SUN2: variants seen among roughly 807,000 people sequenced by gnomAD.
The protein encoded by SUN2 is SUN domain-containing protein 2.
SUN2 carries 60 observed loss-of-function variants against 100.0 expected under a neutral mutation model. The observed-to-expected ratio is 0.60, with a 90% CI of 0.49 to 0.74. The LOEUF (loss-of-function observed/expected upper bound fraction) is 0.74. Among genes scored for constraint, SUN2 ranks in the 30% least tolerant of loss-of-function variants. The pLI, the probability that SUN2 is intolerant of heterozygous loss-of-function variation, is 0.00. For synonymous variants in SUN2, 367 were observed against 403.3 expected (o/e 0.91, Z 1.08); for missense variants, 834 against 954.6 (o/e 0.87, Z 1.66).
rs527982754 is a variant in SUN2 at position 38,735,152 on chromosome 22, C to T, written c.*1115G>A. ...GGGGCCTGCTGGCTCTAAAAGTCCC[C>T]TCCTCCCCCTTCCCTATCCAGGGTA... On this transcript the variant is annotated 3_prime_UTR_variant, in exon 18 of 18. Transcript: ENST00000689035. 8 of 431,860 alleles carry T rather than the reference C, an allele frequency of 1.9e-5. No individual in the cohort carries two copies. The East Asian group carries it at 3.5e-4, about 19-fold the overall frequency. 26.8% of individuals were successfully genotyped at this position (431,860 alleles called of 1,614,324 possible).
At chr22:38,736,505 T>A in intron 17 of SUN2, 125 bp from the exon 18 acceptor site, 1 of 710,130 alleles carries the variant, frequency 1.4e-6, no homozygotes, top group Non-Finnish European at 2.2e-6. Flanking sequence ...CCTGGGGCTC[T>A]GAAGAGAACC....
At position 38,753,852 on chromosome 22, in the gene SUN2, C is replaced by T. The variant is rs140538848; in HGVS notation, c.-37-1187G>A. 5.9e-5 allele frequency among the ~76,000 whole-genome samples: 9 copies of T among 152,330 alleles called. No individual in the cohort carries two copies. The East Asian group carries it at 1.7e-3, about 29-fold the overall frequency. On this transcript the variant is annotated intron_variant, in intron 1 of 17. Transcript: ENST00000689035. Reference sequence around the variant, plus strand: ...GCTCAGCTCTGACAGGCTGTAGGGCCTGGGTCTTTCTACTCAGGCATAAAG... The same window carrying T: ...GCTCAGCTCTGACAGGCTGTAGGGCTTGGGTCTTTCTACTCAGGCATAAAG...
At chr22:38,749,562 A>G (rs887361386) in intron 6 of SUN2, among the ~76,000 whole-genome samples, 1 of 152,174 alleles carries the variant, frequency 6.6e-6, no homozygotes, top group Non-Finnish European at 1.5e-5. Context: ...AGGGCTATCA[A>G]TTCGGGGAGA....
At chr22:38,750,109 C>T (rs2092933005) in intron 5 of SUN2, 116 bp downstream of exon 5, 2 of 1,464,338 alleles carry the variant, frequency 1.4e-6, no homozygotes, top group Admixed American at 2.2e-5. Flanking sequence ...CTAGAATGAC[C>T]TTTCCCCAAT....
chr22:38,740,851 G>C lies in SUN2; in HGVS notation c.1190+156C>G. ...ATGGCACCTCAAAGACAGGCCCTGGGCAGGGGTCCTGAGCTGGGTTTCAAC... is the reference window on the plus strand; with the variant it reads ...ATGGCACCTCAAAGACAGGCCCTGGCCAGGGGTCCTGAGCTGGGTTTCAAC... On this transcript the variant is annotated intron_variant, in intron 11 of 17. Transcript: ENST00000689035. This position sits in a 1 kb window ranked among gnomAD's most constrained non-coding sequence, Gnocchi z 4.8. 1.3e-6 allele frequency: 1 copy of C among 789,616 alleles called. No individual in the cohort carries two copies. The highest frequency in any genetic ancestry group is 2.1e-6 in the Non-Finnish European group (1 of 484,906). The allele number at this position is 789,616 out of a possible 1,614,324, so 48.9% of individuals were successfully genotyped here.
At position 38,754,401 on chromosome 22, in the gene SUN2, G is replaced by A. The variant is rs548795035; in HGVS notation, c.-38+1362C>T. On this transcript the variant is annotated intron_variant, in intron 1 of 17. Transcript: ENST00000689035. Reference sequence around the variant, plus strand: ...CAACCCAGGCTGCAGAAACCCGAAGGTCTGGTTAGTCCAGCTAGAAAGTCC... The same window carrying A: ...CAACCCAGGCTGCAGAAACCCGAAGATCTGGTTAGTCCAGCTAGAAAGTCC... Among the ~76,000 whole-genome samples, 180 of 152,334 alleles carry A rather than the reference G, an allele frequency of 1.2e-3. No individual in the cohort carries two copies. In the Middle Eastern group the frequency reaches 0.014, roughly 12 times the overall value.
Position 38,745,695 on chromosome 22 carries a change from G to A in SUN2, c.802C>T (p.Pro268Ser), listed in dbSNP as rs763202316. The A allele has an allele frequency of 8.1e-6, 13 of 1,613,678 alleles. No individual in the cohort carries two copies. Among genetic ancestry groups the A allele is most frequent in the Admixed American group, 1.7e-5 (1 of 60,018 alleles). Reference protein sequence around the residue: ...DEGWEARDSSPHFQAEQRVMS... With the variant: ...DEGWEARDSSSHFQAEQRVMS... ...CCTCAGAGACTCACCTGGAAATGTG[G>A]CGATGAGTCTCTGGCTTCCCAGCCC... Residue 268 changes from proline to serine, a missense_variant, in exon 8 of 18, where the codon CCA becomes TCA. By Grantham distance (74) the Pro-to-Ser change is moderately conservative (BLOSUM62 -1). Transcript: ENST00000689035.
rs568825133 is a variant in SUN2, at chr22:38,748,781, C to A, written c.617G>T (p.Arg206Leu). 6.2e-6 allele frequency: 10 copies of A among 1,614,076 alleles called. No homozygotes were observed. Among genetic ancestry groups the A allele is most frequent in the South Asian group, 1.1e-5 (1 of 91,096 alleles). The change falls in exon 7 of 18, where the codon CGC becomes CTC. Residue 206 changes from arginine (R) to leucine (L), a missense_variant and splice_region_variant. Physicochemically the swap from Arg to Leu is moderately radical, Grantham distance 102. Coordinates refer to ENST00000689035, the MANE Select transcript of SUN2 (RefSeq NM_015374.3). Reference sequence around the variant, plus strand: ...GAGGAACGTCTTCAGGGACGAGAAGCGCCTGGACCACGCGGGAGGGCAGGA... The same window carrying A: ...GAGGAACGTCTTCAGGGACGAGAAGAGCCTGGACCACGCGGGAGGGCAGGA... ...SLLDVFVLTRRFSSLKTFLWF... is the reference protein window; with the variant it reads ...SLLDVFVLTRLFSSLKTFLWF...
intron 2 of SUN2, among the ~76,000 whole-genome samples, chr22:38,751,815 T>C (rs1306663548): frequency 2.0e-5 from 3 of 151,856 alleles, no homozygotes; most frequent in Admixed American, 1.3e-4. Flanking sequence ...GCCGGACAGG[T>C]GGTGAGACAT....
intron 7 of SUN2, among the ~76,000 whole-genome samples, chr22:38,746,233 C>A (rs1242972673): frequency 6.6e-6 from 1 of 152,096 alleles, no homozygotes; most frequent in Non-Finnish European, 1.5e-5. Flanking sequence ...GGGGCCCCTG[C>A]GTAGGTGAGT....
Position 38,744,523 on chromosome 22 carries a change from A to G in SUN2, c.813+1161T>C, listed in dbSNP as rs1004184685. Among the ~76,000 whole-genome samples, 6 of 152,190 alleles carry G rather than the reference A, an allele frequency of 3.9e-5. No homozygotes were observed. In the East Asian group the frequency reaches 5.8e-4, roughly 15 times the overall value. ...TTGAGCCCAGGAGTTCAAGGTTACAATGAGTTATGATTATACTACTGCACT... is the reference window on the plus strand; with the variant it reads ...TTGAGCCCAGGAGTTCAAGGTTACAGTGAGTTATGATTATACTACTGCACT... On this transcript the variant is annotated intron_variant, in intron 8 of 17. Coordinates refer to ENST00000689035, the MANE Select transcript of SUN2 (RefSeq NM_015374.3).
At position 38,755,573 on chromosome 22, in the gene SUN2, C is replaced by A. The variant is rs375455584; in HGVS notation, c.-38+190G>T. On this transcript the variant is annotated intron_variant, in intron 1 of 17. Coordinates refer to ENST00000689035, the MANE Select transcript of SUN2 (RefSeq NM_015374.3). This position sits in a 1 kb window ranked among gnomAD's most constrained non-coding sequence, Gnocchi z 5.7. Reference sequence around the variant, plus strand: ...CCCGGCTGACCAGTGGCGCGGCAGGCGGGGCGGGGGCCAGGAGGTGAGTCA... The same window carrying A: ...CCCGGCTGACCAGTGGCGCGGCAGGAGGGGCGGGGGCCAGGAGGTGAGTCA... The A allele has an allele frequency of 1.0e-6, 1 of 956,560 alleles. No homozygotes were observed. Among genetic ancestry groups the A allele is most frequent in the Admixed American group, 6.1e-5 (1 of 16,302 alleles). 59.3% of individuals were successfully genotyped at this position (956,560 alleles called of 1,614,324 possible). A position where few individuals can be genotyped will look rare whatever the true frequency, so the allele number is the denominator to read the frequency against.
chr22:38,741,520 A>G lies in SUN2; in HGVS notation c.1120T>C (p.Phe374Leu). 6.2e-7 allele frequency: 1 copy of G among 1,614,038 alleles called. No individual in the cohort carries two copies. Among genetic ancestry groups the G allele is most frequent in the Non-Finnish European group, 8.5e-7 (1 of 1,180,030 alleles). ...TGGGAGGCCCGGACGATCTTCTTGA[A>G]GAGGTCTTCTGAGTCTTGCTGATGC... The part of the protein sequence containing the change: ...AEHQQDSEDL[F>L]KKIVRASQES... Residue 374 changes from phenylalanine (F) to leucine (L), a missense_variant, in exon 10 of 18, where the codon TTC (phenylalanine) becomes CTC (leucine). This residue lies in a region of SUN2 where 559 missense variants were observed against 597.7 expected (regional missense o/e 0.94). Transcript: ENST00000689035.
chr22:38,754,138 G>A (rs1227261816), intron 1 of SUN2, among the ~76,000 whole-genome samples: 1 of 152,172 alleles, frequency 6.6e-6, no homozygotes, highest in Non-Finnish European at 1.5e-5. Context: ...CTGGCAAGAG[G>A]TAGCATTCTG....
chr22:38,743,810 A>G (rs1346564253), intron 8 of SUN2: 1 of 152,254 alleles, frequency 6.6e-6, no homozygotes, highest in East Asian at 1.9e-4. Context: ...TAATGGTGAA[A>G]AAAGGAAAAG....
At chr22:38,753,007 T>C (rs2146099412) in intron 1 of SUN2, among the ~76,000 whole-genome samples, 1 of 152,304 alleles carries the variant, frequency 6.6e-6, no homozygotes, top group Non-Finnish European at 1.5e-5. Context: ...TGGGTCTTCC[T>C]CGACCTCTGA....
chr22:38,741,075 C>A, intron 10 of SUN2, 25 bp from the exon 11 acceptor site: 1 of 1,585,718 alleles, frequency 6.3e-7, no homozygotes, highest in Non-Finnish European at 8.6e-7. Context: ...GGGACAAATA[C>A]AAGAAATACT....
chr22:38,744,261 CAAAAAAAA>C (rs35027225), intron 8 of SUN2, among the ~76,000 whole-genome samples: 156 of 60,730 alleles, frequency 2.6e-3, no homozygotes, highest in Middle Eastern at 0.023. Flanking sequence ...GACTCTGTCT[CAAAAAAAA>C]AAAAAAAAAA....
chr22:38,747,355 G>T (rs1028714548), intron 7 of SUN2, among the ~76,000 whole-genome samples: 7 of 148,834 alleles, frequency 4.7e-5, no homozygotes, highest in East Asian at 2.0e-4. Flanking sequence ...AAAAGAAGAA[G>T]AATCATTATT....
Sources: gnomAD v4.1 joint callset for allele counts (sites outside exome capture counted in the v4.1 genomes callset) on GRCh38, gnomAD v4.1.1 for gene constraint, gnomAD v4.1.1 regional missense constraint, Gnocchi (gnomAD v3.1) non-coding constraint, MANE v1.5 for transcripts, NCBI Gene and HGNC (gene_info 2026-07-23, HGNC 2026-07-21) for gene names.